The following NDRG1 variants were observed in gnomAD, a reference collection of about 807,000 sequenced individuals.
The protein encoded by NDRG1 is N-myc downstream regulated 1.
In NDRG1, 32 loss-of-function variants were observed where a neutral mutation model predicts 56.9. That is an observed-to-expected ratio of 0.56 (90% CI 0.42 to 0.76). NDRG1 has a LOEUF of 0.76. Among genes scored for constraint, NDRG1 ranks in the 30% least tolerant of loss-of-function variants. NDRG1 has a pLI of 0.00. For synonymous variants in NDRG1, 211 were observed against 204.1 expected (o/e 1.03, Z -0.29); for missense variants, 507 against 545.7 (o/e 0.93, Z 0.71).
chr8:133,296,549 G>C, intron 1 of NDRG1: 1 of 455,724 alleles, frequency 2.2e-6, no homozygotes, highest in Non-Finnish European at 4.4e-6. Flanking sequence ...AGCGCCACCA[G>C]CCTCTCGGAT....
intron 1 of NDRG1, chr8:133,296,380 C>A: frequency 4.7e-6 from 2 of 428,620 alleles, no homozygotes; most frequent in South Asian, 1.6e-5. Context: ...GCCGCCGATG[C>A]GCCAATCCCG....
chr8:133,273,051 G>A (rs778317391), intron 3 of NDRG1, among the ~76,000 whole-genome samples: 6 of 152,168 alleles, frequency 3.9e-5, no homozygotes, highest in Admixed American at 2.0e-4. Flanking sequence ...GCAGCAGAAC[G>A]GGAGCCAGAC....
At chr8:133,292,378 G>C (rs1213707682) in intron 1 of NDRG1, among the ~76,000 whole-genome samples, 1 of 152,172 alleles carries the variant, frequency 6.6e-6, no homozygotes, top group Non-Finnish European at 1.5e-5. Context: ...GATGGTCCAA[G>C]TTACTTCCTT....
rs1855413937 is a variant in NDRG1 at position 133,242,041 on chromosome 8, C to T, written c.925G>A (p.Val309Met). 9 of 1,614,074 alleles carry T rather than the reference C, an allele frequency of 5.6e-6. No individual in the cohort carries two copies. Among genetic ancestry groups the T allele is most frequent in the African/African-American group, 1.3e-5 (1 of 74,918 alleles). Residue 309 changes from valine (V) to methionine (M), a missense_variant, in exon 15 of 16, where the codon GTG becomes ATG. By Grantham distance (21) the Val-to-Met change is conservative. Transcript: ENST00000323851. ...AKLAEAFKYF[V>M]QGMGYMPSAS... is the part of the protein sequence containing the mutation. ...TACTCACTGTATCCCATGCCCTGCA[C>T]GAAGTACTTGAAGGCCTCAGCGAGC...
At chr8:133,245,282 T>C (rs1421156044) in intron 13 of NDRG1, among the ~76,000 whole-genome samples, 1 of 152,124 alleles carries the variant, frequency 6.6e-6, no homozygotes, top group African/African-American at 2.4e-5. Flanking sequence ...CCACCCCACC[T>C]CAGTCAGGCC....
chr8:133,269,090 C>T (rs1857063169), intron 3 of NDRG1, among the ~76,000 whole-genome samples: 1 of 152,216 alleles, frequency 6.6e-6, no homozygotes, highest in Non-Finnish European at 1.5e-5. Context: ...CATCCCGTGT[C>T]TTCTATGTTT....
Position 133,272,352 on chromosome 8 carries a change from A to G in NDRG1, c.100-7700T>C, listed in dbSNP as rs1490442668. On this transcript the variant is annotated intron_variant, in intron 3 of 15. Transcript: ENST00000323851. ...TCCATGGAGCAGGGGAGGGCGACAA[A>G]GACCTGTGAGCTGAGCCCGCTGCTG... 2.6e-5 allele frequency among the ~76,000 whole-genome samples: 4 copies of G among 152,030 alleles called. No individual in the cohort carries two copies. In the East Asian group the frequency reaches 5.8e-4, roughly 22 times the overall value.
At position 133,238,847 on chromosome 8, in the gene NDRG1, A is replaced by C. The variant is rs573564976; in HGVS notation, c.*31T>G. On this transcript the variant is annotated 3_prime_UTR_variant, in exon 16 of 16. Coordinates refer to ENST00000323851, the MANE Select transcript of NDRG1 (RefSeq NM_006096.4). ...GGAGGAGGGGGCCACTACAGAGATC[A>C]GAGTCCGGGGGCGGCAGCTGGGCAG... 2,077 of 1,543,024 alleles carry C rather than the reference A, an allele frequency of 1.3e-3. 1 individual carries two copies. Among genetic ancestry groups the C allele is most frequent in the Admixed American group, 1.8e-3 (93 of 50,952 alleles).
Position 133,237,690 on chromosome 8 carries a change from T to TGCCACCCCC in NDRG1, c.*1187_*1188insGGGGGTGGC. ...CTCAGCCACCGCTCCCCACGTGAGT[T>TGCCACCCCC]CCCACCCCCACCCCGACAAGAGCAA... On this transcript the variant is annotated 3_prime_UTR_variant, in exon 16 of 16. Coordinates refer to ENST00000323851, the MANE Select transcript of NDRG1 (RefSeq NM_006096.4). 4.4e-6 allele frequency: 1 copy of TGCCACCCCC among 228,712 alleles called. No homozygotes were observed. Among genetic ancestry groups the TGCCACCCCC allele is most frequent in the Non-Finnish European group, 8.7e-6 (1 of 115,474 alleles). 14.2% of individuals were successfully genotyped at this position (228,712 alleles called of 1,614,324 possible). A position where few individuals can be genotyped will look rare whatever the true frequency, so the allele number is the denominator to read the frequency against.
intron 3 of NDRG1, among the ~76,000 whole-genome samples, chr8:133,274,886 T>C (rs1857375645): frequency 6.6e-6 from 1 of 152,208 alleles, no homozygotes; most frequent in African/African-American, 2.4e-5. Flanking sequence ...GGAAGGATGA[T>C]GGTACAGGTC....
chr8:133,243,911 T>TG (rs1187188818), intron 14 of NDRG1, among the ~76,000 whole-genome samples: 16 of 152,216 alleles, frequency 1.1e-4, no homozygotes, highest in African/African-American at 1.4e-4. Flanking sequence ...TGCACACACA[T>TG]TTACACATGC....
At chr8:133,258,572 C>T (rs1230457236) in intron 6 of NDRG1, 146 bp from the exon 7 acceptor site, 4 of 802,184 alleles carry the variant, frequency 5.0e-6, no homozygotes, top group Non-Finnish European at 6.4e-6. Context: ...TCTGAGGTCA[C>T]CATGCTTTAG....
chr8:133,284,454 T>C (rs1402748156), intron 1 of NDRG1, 125 bp from the exon 2 acceptor site: 1 of 791,428 alleles, frequency 1.3e-6, no homozygotes, highest in Non-Finnish European at 2.1e-6. Flanking sequence ...ACCTCCCTCG[T>C]GATGCACTGC....
chr8:133,276,672 G>A (rs915613677), intron 3 of NDRG1, among the ~76,000 whole-genome samples: 12 of 152,248 alleles, frequency 7.9e-5, no homozygotes, highest in African/African-American at 2.2e-4. Context: ...CATGTAAGGC[G>A]TGCCTTGGTT....
At position 133,296,694 on chromosome 8, in the gene NDRG1, G is replaced by C. The variant is rs796498423; in HGVS notation, c.-19+440C>G. ...CGCAATCTCTCCGTTCCCAGACACA[G>C]ACACACACACACACACACACACACA... is the stretch of plus-strand genomic sequence containing the variant. On this transcript the variant is annotated intron_variant, in intron 1 of 15. Coordinates refer to ENST00000323851, the MANE Select transcript of NDRG1 (RefSeq NM_006096.4). 183 of 270,644 alleles carry C rather than the reference G, an allele frequency of 6.8e-4. 1 individual carries two copies. The highest frequency in any genetic ancestry group is 1.8e-3 in the African/African-American group (77 of 41,720). The allele number at this position is 270,644 out of a possible 1,614,324, so 16.8% of individuals were successfully genotyped here.
At chr8:133,295,824 A>C (rs984039653) in intron 1 of NDRG1, among the ~76,000 whole-genome samples, 4 of 152,132 alleles carry the variant, frequency 2.6e-5, no homozygotes, top group African/African-American at 9.7e-5. Context: ...TGAATATTAG[A>C]TATTTCCCAG....
At chr8:133,280,148 T>C in intron 3 of NDRG1, 84 bp downstream of exon 3, 1 of 1,527,640 alleles carries the variant, frequency 6.5e-7, no homozygotes, top group Non-Finnish European at 9.0e-7. Context: ...GTTTGCACAA[T>C]GATCTACTTA....
intron 9 of NDRG1, among the ~76,000 whole-genome samples, chr8:133,252,502 G>C (rs995162742): frequency 6.6e-6 from 1 of 152,186 alleles, no homozygotes; most frequent in Non-Finnish European, 1.5e-5. Context: ...CTCCAGAGTG[G>C]AGCCTCTGTT....
chr8:133,296,694 GACACACACACACACACACACACAC>G (rs36215434), intron 1 of NDRG1: 1 of 262,002 alleles, frequency 3.8e-6, no homozygotes, highest in Non-Finnish European at 8.0e-6. Context: ...CCCAGACACA[GACACACACACACACACACACACAC>G]ACACACACAC....
Sources: gnomAD v4.1 joint callset for allele counts (sites outside exome capture counted in the v4.1 genomes callset) on GRCh38, gnomAD v4.1.1 for gene constraint, MANE v1.5 for transcripts, NCBI Gene and HGNC (gene_info 2026-07-23, HGNC 2026-07-21) for gene names.